Variants in STARD13 observed in about 807,000 individuals in gnomAD.
STARD13 encodes the protein stAR-related lipid transfer protein 13.
In STARD13, 62 loss-of-function variants were observed where a neutral mutation model predicts 106.4. That is an observed-to-expected ratio of 0.58 (90% CI 0.48 to 0.72). The LOEUF (loss-of-function observed/expected upper bound fraction) is 0.72, where lower values mean the gene tolerates loss of function less well. STARD13 is among the 30% of genes least tolerant of loss of function. STARD13 has a pLI of 0.00. For missense variants in STARD13, 1,387 were observed against 1,424.0 expected (o/e 0.97, Z 0.42); for synonymous variants, 565 against 553.0 (o/e 1.02, Z -0.31).
the STARD13 span, among the ~76,000 whole-genome samples, chr13:33,596,855 A>G: frequency 1.3e-5 from 2 of 152,220 alleles, no homozygotes; most frequent in Non-Finnish European, 2.9e-5. Flanking sequence ...TGTTCCTGCA[A>G]TGATAAGATT....
chr13:33,262,375 G>A (rs1890682048), intron 1 of STARD13, among the ~76,000 whole-genome samples: 1 of 152,126 alleles, frequency 6.6e-6, no homozygotes, highest in Non-Finnish European at 1.5e-5. Flanking sequence ...AGCCAGTGGG[G>A]GGACCTCGCA....
intron 1 of STARD13, among the ~76,000 whole-genome samples, chr13:33,320,295 T>G (rs187905703): frequency 2.0e-5 from 3 of 152,304 alleles, no homozygotes; most frequent in Admixed American, 1.3e-4. Flanking sequence ...GCTGTCCAGC[T>G]CAAACTCTAG....
chr13:33,215,120 G>GA (rs1491143259), intron 1 of STARD13, among the ~76,000 whole-genome samples: 1 of 36,832 alleles, frequency 2.7e-5, no homozygotes, highest in African/African-American at 1.5e-4. Flanking sequence ...ATGAGTACTT[G>GA]GGGGGGGGGG....
chr13:33,549,343 G>T, the STARD13 span, among the ~76,000 whole-genome samples: 1 of 152,034 alleles, frequency 6.6e-6, no homozygotes, highest in Admixed American at 6.6e-5. Context: ...AAATATACTC[G>T]GTCATTGAAT....
At chr13:33,553,524 T>C in the STARD13 span, among the ~76,000 whole-genome samples, 2 of 151,880 alleles carry the variant, frequency 1.3e-5, no homozygotes, top group Non-Finnish European at 2.9e-5. Context: ...ATTTTGTATT[T>C]GATCATAGTT....
chr13:33,107,220 C>T lies in STARD13; in HGVS notation c.3048-286G>A, dbSNP rs575890251. On this transcript the variant is annotated intron_variant, in intron 12 of 13. Transcript: ENST00000336934. ...TCTGCTTAGCTGCAGAGGCTCCTGC[C>T]CATTCTCGAAGAGGTGGTTTTACAG... Among the ~76,000 whole-genome samples, 11 of 152,282 alleles carry T rather than the reference C, an allele frequency of 7.2e-5. No homozygotes were observed. In the South Asian group the frequency reaches 8.3e-4, roughly 11 times the overall value.
At chr13:33,142,266 A>G in intron 4 of STARD13, 44 bp downstream of exon 4, 1 of 1,474,078 alleles carries the variant, frequency 6.8e-7, no homozygotes, top group Non-Finnish European at 9.5e-7. Context: ...AACTCCTGGC[A>G]TTCACTGGCA....
At chr13:33,621,396 G>A in the STARD13 span, among the ~76,000 whole-genome samples, 1 of 151,850 alleles carries the variant, frequency 6.6e-6, no homozygotes, top group Non-Finnish European at 1.5e-5. Flanking sequence ...TTTAAAAACT[G>A]GCCGGGCACA....
intron 1 of STARD13, chr13:33,186,063 C>A: frequency 6.2e-7 from 1 of 1,611,126 alleles, no homozygotes. Context: ...AGATGATAGT[C>A]CTCTCTCATG....
chr13:33,151,994 T>C (rs1408892), intron 3 of STARD13, among the ~76,000 whole-genome samples: 58,991 of 152,006 alleles, frequency 0.39, 11,492 homozygotes, highest in Middle Eastern at 0.41. Flanking sequence ...ATAGGGAAGT[T>C]GACAGGGAGC....
At chr13:33,321,624 A>G (rs148848630) in intron 1 of STARD13, among the ~76,000 whole-genome samples, 9 of 152,290 alleles carry the variant, frequency 5.9e-5, no homozygotes, top group African/African-American at 1.7e-4. Flanking sequence ...ATGATTATTA[A>G]CTCCATTTTA....
intron 1 of STARD13, among the ~76,000 whole-genome samples, chr13:33,337,708 A>G (rs1353477799): frequency 6.6e-6 from 1 of 152,196 alleles, no homozygotes; most frequent in Non-Finnish European, 1.5e-5. Flanking sequence ...TGATTTACAC[A>G]TGGCTGTTGT....
chr13:33,155,740 GCCTGTC>G (rs2138306217), intron 3 of STARD13: 1 of 152,204 alleles, frequency 6.6e-6, no homozygotes, highest in East Asian at 1.9e-4. Flanking sequence ...TATACCTCAA[GCCTGTC>G]CCCAAACTCT....
chr13:33,458,764 A>G, the STARD13 span, among the ~76,000 whole-genome samples: 45,460 of 149,678 alleles, frequency 0.3, 7,590 homozygotes, highest in Non-Finnish European at 0.39. Flanking sequence ...TTCAGACCCC[A>G]TTCTTCCTCT....
chr13:33,595,317 CTCTA>C, the STARD13 span, among the ~76,000 whole-genome samples: 2 of 152,108 alleles, frequency 1.3e-5, no homozygotes, highest in East Asian at 3.8e-4. Context: ...AAACAAAAAA[CTCTA>C]TCTACTAAGA....
At chr13:33,241,162 G>A (rs1486841528) in intron 1 of STARD13, among the ~76,000 whole-genome samples, 1 of 152,108 alleles carries the variant, frequency 6.6e-6, no homozygotes, top group Non-Finnish European at 1.5e-5. Context: ...AAATTGTTTT[G>A]TAAACTATTT....
intron 1 of STARD13, among the ~76,000 whole-genome samples, chr13:33,329,232 G>C (rs1343119766): frequency 1.3e-5 from 2 of 150,922 alleles, no homozygotes; most frequent in African/African-American, 5.0e-5. Context: ...TAAAGTCATG[G>C]AATTACAGGA....
intron 3 of STARD13, among the ~76,000 whole-genome samples, chr13:33,159,957 T>C (rs1229322810): frequency 6.6e-6 from 1 of 152,308 alleles, no homozygotes; most frequent in East Asian, 1.9e-4. Flanking sequence ...TCCTTTAGGA[T>C]TTTTAAAATA....
chr13:33,673,965 G>C, the STARD13 span, among the ~76,000 whole-genome samples: 1 of 150,268 alleles, frequency 6.7e-6, no homozygotes, highest in Non-Finnish European at 1.5e-5. Flanking sequence ...GGTTCAAGCA[G>C]TTCTCCTGCC....
Sources: allele counts gnomAD v4.1 joint callset (sites outside exome capture counted in the v4.1 genomes callset), GRCh38; gene constraint gnomAD v4.1.1; transcripts MANE v1.5; gene names NCBI Gene and HGNC (gene_info 2026-07-23, HGNC 2026-07-21).